Variants in USP34 observed in about 807,000 individuals in gnomAD.
USP34 encodes the protein ubiquitin specific peptidase 34, also known as ubiquitin carboxyl-terminal hydrolase 34.
USP34 carries 70 observed loss-of-function variants against 460.3 expected under a neutral mutation model. The observed-to-expected ratio is 0.15, with a 90% CI of 0.13 to 0.19. The LOEUF is 0.19. Ranked by LOEUF, USP34 falls within the 10% of genes least tolerant of loss-of-function variation. The pLI, the probability that USP34 is intolerant of heterozygous loss-of-function variation, is 1.00. For missense variants in USP34, 3,985 were observed against 4,236.2 expected (o/e 0.94, Z 1.65); for synonymous variants, 1,647 against 1,405.3 (o/e 1.17, Z -3.85).
chr2:61,450,829 C>T (rs1266324348), intron 1 of USP34, among the ~76,000 whole-genome samples: 2 of 150,912 alleles, frequency 1.3e-5, no homozygotes, highest in Non-Finnish European at 1.5e-5. Context: ...CAACTCTTAC[C>T]CCACTTATAA....
intron 1 of USP34, among the ~76,000 whole-genome samples, chr2:61,425,209 A>G (rs1222952758): frequency 6.6e-6 from 1 of 152,212 alleles, no homozygotes; most frequent in East Asian, 1.9e-4. Context: ...TACCAAATTA[A>G]GATCTACATA....
At chr2:61,285,377 C>G (rs1262699952) in intron 34 of USP34, among the ~76,000 whole-genome samples, 1 of 151,154 alleles carries the variant, frequency 6.6e-6, no homozygotes, top group East Asian at 1.9e-4. Context: ...GTCCCATCTA[C>G]TTTGGAGGCT....
chr2:61,352,807 G>A (rs527791252), intron 10 of USP34, among the ~76,000 whole-genome samples: 10 of 151,778 alleles, frequency 6.6e-5, no homozygotes, highest in South Asian at 2.1e-4. Context: ...AGAGGAGGAG[G>A]ACAAGGAGGA....
chr2:61,414,269 A>T (rs1694131817), intron 2 of USP34, among the ~76,000 whole-genome samples: 1 of 107,382 alleles, frequency 9.3e-6, no homozygotes, highest in South Asian at 4.6e-4. Context: ...TAAATAAATA[A>T]CTTTAAAAAA....
chr2:61,406,008 A>G lies in USP34; in HGVS notation c.252T>C (p.His84=). ...TGGAATCTATGTTAATGGTAGTACA[A>G]TGTTTACAAAGCTGGTCCCGGAGCA... ...VQVLRDQLCK[H]CTTINIDSTW... is the part of the protein sequence containing the mutation. The change falls in exon 3 of 80, where the codon CAT becomes CAC. Residue 84 remains histidine, a synonymous_variant. Coordinates refer to ENST00000398571, the MANE Select transcript of USP34 (RefSeq NM_014709.4). The G allele has an allele frequency of 6.2e-7, 1 of 1,613,824 alleles. No homozygotes were observed. Among genetic ancestry groups the G allele is most frequent in the Non-Finnish European group, 8.5e-7 (1 of 1,179,984 alleles).
At chr2:61,325,928 A>C (rs1691073670) in intron 20 of USP34, among the ~76,000 whole-genome samples, 1 of 152,224 alleles carries the variant, frequency 6.6e-6, no homozygotes, top group African/African-American at 2.4e-5. Flanking sequence ...CAAAATTTGT[A>C]TTTTTGAATG....
At chr2:61,386,463 G>C (rs949869295) in intron 5 of USP34, among the ~76,000 whole-genome samples, 26 of 152,018 alleles carry the variant, frequency 1.7e-4, no homozygotes, top group Admixed American at 1.3e-4. Context: ...CTTGTTTCCT[G>C]ATCAAGGTAA....
intron 75 of USP34, among the ~76,000 whole-genome samples, chr2:61,198,466 C>T (rs1377935070): frequency 6.6e-6 from 1 of 152,014 alleles, no homozygotes; most frequent in Admixed American, 6.5e-5. Context: ...AAATTGCCTC[C>T]CAAATGGACT....
chr2:61,433,774 C>A (rs566651496), intron 1 of USP34, among the ~76,000 whole-genome samples: 1 of 152,146 alleles, frequency 6.6e-6, no homozygotes, highest in Non-Finnish European at 1.5e-5. Context: ...CCCCACCTAC[C>A]CCCAGTGAAA....
intron 41 of USP34, among the ~76,000 whole-genome samples, chr2:61,271,883 C>T (rs1689226572): frequency 6.6e-6 from 1 of 152,246 alleles, no homozygotes; most frequent in Non-Finnish European, 1.5e-5. Context: ...AAGTAAAAAT[C>T]ATTAGAGTGG....
chr2:61,338,097 G>A (rs890216420), intron 18 of USP34, among the ~76,000 whole-genome samples: 1 of 152,192 alleles, frequency 6.6e-6, no homozygotes, highest in African/African-American at 2.4e-5. Context: ...CAAGGCAGGA[G>A]GATCACCTGA....
intron 75 of USP34, 79 bp downstream of exon 75, chr2:61,203,061 C>G: frequency 5.3e-6 from 7 of 1,330,452 alleles, no homozygotes; most frequent in Non-Finnish European, 6.9e-6. Flanking sequence ...AGGATTGTCT[C>G]ATAATTTTTC....
intron 37 of USP34, 71 bp downstream of exon 37, chr2:61,283,073 CT>C: frequency 6.6e-7 from 1 of 1,509,788 alleles, no homozygotes; most frequent in Non-Finnish European, 9.1e-7. Context: ...TCCATTAGCT[CT>C]TTTATTATCA....
chr2:61,233,693 T>TC (rs1397694588), intron 57 of USP34, among the ~76,000 whole-genome samples: 1 of 151,800 alleles, frequency 6.6e-6, no homozygotes, highest in Non-Finnish European at 1.5e-5. Flanking sequence ...AGTGTGTTGG[T>TC]ATGTGCCTGT....
chr2:61,468,488 T>C (rs1695852442), intron 1 of USP34, among the ~76,000 whole-genome samples: 1 of 152,214 alleles, frequency 6.6e-6, no homozygotes, highest in Admixed American at 6.5e-5. Context: ...TGGCCGTAAA[T>C]TTTTTTAAAA....
intron 51 of USP34, among the ~76,000 whole-genome samples, chr2:61,243,047 T>A (rs1050756199): frequency 6.6e-6 from 1 of 152,048 alleles, no homozygotes; most frequent in Non-Finnish European, 1.5e-5. Context: ...GGTTTCACCA[T>A]GTTGGCCAGG....
At chr2:61,218,828 G>A (rs912842970) in intron 67 of USP34, among the ~76,000 whole-genome samples, 12 of 152,054 alleles carry the variant, frequency 7.9e-5, no homozygotes, top group African/African-American at 2.9e-4. Context: ...TTGCCATCAC[G>A]CCATATCAAG....
intron 1 of USP34, among the ~76,000 whole-genome samples, chr2:61,439,258 G>A (rs1694899722): frequency 6.6e-6 from 1 of 152,104 alleles, no homozygotes; most frequent in African/African-American, 2.4e-5. Flanking sequence ...CAAAAAATTA[G>A]CCAGGTTATG....
At chr2:61,419,053 G>A (rs1050928772) in intron 2 of USP34, among the ~76,000 whole-genome samples, 4 of 152,194 alleles carry the variant, frequency 2.6e-5, no homozygotes, top group African/African-American at 4.8e-5. Context: ...CATTAAGACA[G>A]TAGTAGCTTT....
Sources: gnomAD v4.1 joint callset for allele counts (sites outside exome capture counted in the v4.1 genomes callset) on GRCh38, gnomAD v4.1.1 for gene constraint, MANE v1.5 for transcripts, NCBI Gene and HGNC (gene_info 2026-07-23, HGNC 2026-07-21) for gene names.